Variants in ITGBL1 observed in about 807,000 individuals in gnomAD.
ITGBL1 encodes integrin subunit beta like 1.
A neutral mutation model predicts 68.5 loss-of-function variants in ITGBL1; 51 were observed. The ratio of observed to expected loss-of-function variants is 0.74; its 90% CI spans 0.59 to 0.94. The LOEUF is 0.94. Among genes scored for constraint, ITGBL1 ranks in the 40% least tolerant of loss-of-function variants. The probability of loss-of-function intolerance (pLI) is 0.00; values close to 1 mark genes in which losing one functional copy is unlikely to be tolerated. For synonymous variants in ITGBL1, 209 were observed against 227.3 expected (o/e 0.92, Z 0.72); for missense variants, 649 against 647.4 (o/e 1.00, Z -0.03).
In ITGBL1 at chr13:101,598,188, A is replaced by G; in HGVS notation, c.904A>G (p.Lys302Glu). The change falls in exon 7 of 11, where the codon AAA (lysine) becomes GAA (glutamate). Residue 302 changes from lysine (K) to glutamate (E), a missense_variant. Physicochemically the swap from Lys to Glu is moderately conservative, Grantham distance 56 (BLOSUM62 1). Transcript: ENST00000376180. ...GQCNCGRCDC[K>E]AGWYGKKCEH... Reference sequence around the variant, plus strand: ...GTGTAATTGCGGAAGATGTGACTGCAAAGCAGGCTGGTATGGGAAGAAGTG... The same window carrying G: ...GTGTAATTGCGGAAGATGTGACTGCGAAGCAGGCTGGTATGGGAAGAAGTG... The G allele has an allele frequency of 6.2e-7, 1 of 1,613,730 alleles. No homozygotes were observed. The highest frequency in any genetic ancestry group is 1.1e-5 in the South Asian group (1 of 91,046).
rs139119929 is a variant in ITGBL1 at position 101,673,728 on chromosome 13, G to A, written c.1016-18857G>A. ...TATTGCTTGTCAAATTTCAGCAGAA[G>A]TACAACTCCTGAGAGAATAATGCTG... On this transcript the variant is annotated intron_variant, in intron 7 of 10. Transcript: ENST00000376180. 3.9e-5 allele frequency among the ~76,000 whole-genome samples: 6 copies of A among 152,282 alleles called. No homozygotes were observed. In the East Asian group the frequency reaches 1.2e-3, roughly 29 times the overall value.
chr13:101,663,961 G>A (rs2033150235), intron 7 of ITGBL1, among the ~76,000 whole-genome samples: 1 of 152,178 alleles, frequency 6.6e-6, no homozygotes. Flanking sequence ...TTGAGAAACA[G>A]CAGATTTATT....
chr13:101,705,793 G>T (rs2034250811), intron 8 of ITGBL1, among the ~76,000 whole-genome samples: 1 of 152,154 alleles, frequency 6.6e-6, no homozygotes, highest in Non-Finnish European at 1.5e-5. Flanking sequence ...AGGCTAATCA[G>T]TGTGAATGAT....
At chr13:101,562,003 A>G (rs1181601939) in intron 2 of ITGBL1, among the ~76,000 whole-genome samples, 2 of 152,172 alleles carry the variant, frequency 1.3e-5, no homozygotes, top group Non-Finnish European at 1.5e-5. Flanking sequence ...TTGTGTGTCT[A>G]TAGGAAATGT....
intron 7 of ITGBL1, among the ~76,000 whole-genome samples, chr13:101,652,225 T>C (rs2032776681): frequency 6.6e-6 from 1 of 152,138 alleles, no homozygotes; most frequent in African/African-American, 2.4e-5. Context: ...CACTGCAGCC[T>C]CAAACTCATG....
At chr13:101,609,526 T>C (rs1262316877) in intron 7 of ITGBL1, among the ~76,000 whole-genome samples, 1 of 152,128 alleles carries the variant, frequency 6.6e-6, no homozygotes, top group Non-Finnish European at 1.5e-5. Flanking sequence ...GAAAAGAGCC[T>C]TGTTAAATAG....
intron 2 of ITGBL1, among the ~76,000 whole-genome samples, chr13:101,464,517 GTC>G (rs767252061): frequency 1.3e-5 from 2 of 151,008 alleles, no homozygotes; most frequent in Non-Finnish European, 3.0e-5. Flanking sequence ...CCCAGAGAGG[GTC>G]TCTCTCTCTC....
At chr13:101,569,626 A>T (rs2050241230) in intron 3 of ITGBL1, among the ~76,000 whole-genome samples, 1 of 152,144 alleles carries the variant, frequency 6.6e-6, no homozygotes, top group Non-Finnish European at 1.5e-5. Context: ...ATTTCCACAG[A>T]CTTTGGCTTT....
intron 8 of ITGBL1, among the ~76,000 whole-genome samples, chr13:101,701,529 CA>C (rs201529783): frequency 1.3e-5 from 2 of 151,272 alleles, no homozygotes; most frequent in African/African-American, 2.4e-5. Flanking sequence ...GACTCCATCT[CA>C]AAAAAATAAA....
At chr13:101,661,341 A>G (rs1006910692) in intron 7 of ITGBL1, among the ~76,000 whole-genome samples, 2 of 152,154 alleles carry the variant, frequency 1.3e-5, no homozygotes, top group African/African-American at 4.8e-5. Flanking sequence ...TCCATTTTTG[A>G]GATGAATATT....
intron 4 of ITGBL1, among the ~76,000 whole-genome samples, chr13:101,578,188 C>T (rs2050395331): frequency 6.6e-6 from 1 of 151,982 alleles, no homozygotes; most frequent in Non-Finnish European, 1.5e-5. Flanking sequence ...TTTTACAGGT[C>T]CTATTAATGT....
intron 9 of ITGBL1, among the ~76,000 whole-genome samples, chr13:101,708,597 T>G (rs1487146844): frequency 1.3e-5 from 2 of 152,192 alleles, no homozygotes; most frequent in African/African-American, 4.8e-5. Flanking sequence ...ACAGTAGCTT[T>G]TGTTTTGCCT....
chr13:101,492,085 A>G (rs949532725), intron 2 of ITGBL1, among the ~76,000 whole-genome samples: 2 of 152,196 alleles, frequency 1.3e-5, no homozygotes, highest in African/African-American at 4.8e-5. Context: ...TAGTGCTGCA[A>G]TAAACATATG....
intron 2 of ITGBL1, among the ~76,000 whole-genome samples, chr13:101,549,772 T>A (rs927055995): frequency 6.6e-6 from 1 of 151,418 alleles, no homozygotes; most frequent in African/African-American, 2.4e-5. Context: ...ATTTGGTAAT[T>A]TTTTTTTTGT....
intron 2 of ITGBL1, among the ~76,000 whole-genome samples, chr13:101,497,792 ACT>A (rs2048878128): frequency 6.6e-6 from 1 of 151,600 alleles, no homozygotes; most frequent in Admixed American, 6.6e-5. Flanking sequence ...GAAGATTTTA[ACT>A]CTGATGTGGA....
chr13:101,599,262 TG>T (rs1162241044), intron 7 of ITGBL1, among the ~76,000 whole-genome samples: 1 of 145,126 alleles, frequency 6.9e-6, no homozygotes, highest in Non-Finnish European at 1.5e-5. Context: ...TCATATCCTT[TG>T]CCCACTTTTT....
chr13:101,590,100 T>A (rs1409371335), intron 6 of ITGBL1, among the ~76,000 whole-genome samples: 1 of 152,230 alleles, frequency 6.6e-6, no homozygotes, highest in African/African-American at 2.4e-5. Context: ...CCTGCAGGTC[T>A]AGAGCATCTG....
At chr13:101,542,969 T>A (rs1386913464) in intron 2 of ITGBL1, among the ~76,000 whole-genome samples, 1 of 152,148 alleles carries the variant, frequency 6.6e-6, no homozygotes, top group Non-Finnish European at 1.5e-5. Context: ...GTGAGATGGG[T>A]TTCCTGAATA....
At chr13:101,525,098 G>T (rs189455089) in intron 2 of ITGBL1, among the ~76,000 whole-genome samples, 102 of 152,112 alleles carry the variant, frequency 6.7e-4, no homozygotes, top group African/African-American at 2.4e-3. Context: ...CTTCATAAGG[G>T]TGCTCAATGT....
Sources: allele counts gnomAD v4.1 joint callset (sites outside exome capture counted in the v4.1 genomes callset), GRCh38; gene constraint gnomAD v4.1.1; transcripts MANE v1.5; gene names NCBI Gene and HGNC (gene_info 2026-07-23, HGNC 2026-07-21).